The following ANKS4B variants were observed in gnomAD, a reference collection of about 807,000 sequenced individuals.
ANKS4B encodes ankyrin repeat and SAM domain-containing protein 4B.
Under a neutral mutation model 20.2 loss-of-function variants are expected in ANKS4B, and 21 were observed. The observed-to-expected ratio is 1.04, with a 90% confidence interval of 0.74 to 1.50. The LOEUF is 1.50. Ranked by LOEUF, ANKS4B falls within the 40% of genes most tolerant of loss-of-function variation. The probability of loss-of-function intolerance (pLI) is 0.00; values close to 1 mark genes in which losing one functional copy is unlikely to be tolerated. For missense variants in ANKS4B, 473 were observed against 494.6 expected (o/e 0.96, Z 0.41); for synonymous variants, 179 against 194.5 (o/e 0.92, Z 0.66).
In ANKS4B at chr16:21,250,650, C is replaced by G. The variant is rs780798161; in HGVS notation, c.1084C>G (p.Pro362Ala). The change falls in exon 2 of 2, where the codon CCT becomes GCT. Residue 362 changes from proline to alanine, a missense_variant. Pro to Ala is a conservative substitution (Grantham distance 27). Coordinates refer to ENST00000311620, the MANE Select transcript of ANKS4B (RefSeq NM_145865.3). ...GTCTCAGCACCTGGAAGAATTCCTG[C>G]CTATCTTCAAGAGAGAGCAGATTGA... ...LLSQHLEEFLPIFKREQIDLE... is the reference protein window; with the variant it reads ...LLSQHLEEFLAIFKREQIDLE... 8.1e-6 allele frequency: 13 copies of G among 1,613,854 alleles called. No homozygotes were observed. The East Asian group carries it at 2.5e-4, about 30-fold the overall frequency.
Position 21,250,195 on chromosome 16 carries a change from A to G in ANKS4B, c.629A>G (p.Lys210Arg), listed in dbSNP as rs1397468243. 1 of 1,614,174 alleles carries G rather than the reference A, an allele frequency of 6.2e-7. No homozygotes were observed. The highest frequency in any genetic ancestry group is 1.1e-5 in the South Asian group (1 of 91,078). The change falls in exon 2 of 2, where the codon AAG becomes AGG. Residue 210 changes from lysine to arginine, a missense_variant. Transcript: ENST00000311620. Reference protein sequence around the residue: ...GIKDTFKIKFKKNKDTAEQVG... With the variant: ...GIKDTFKIKFRKNKDTAEQVG... ...AAAGACACTTTCAAGATCAAGTTCA[A>G]GAAGAACAAAGATACAGCAGAACAG...
chr16:21,244,073 A>G (rs890310509), intron 1 of ANKS4B: 7 of 68,284 alleles, frequency 1.0e-4, no homozygotes, highest in African/African-American at 3.9e-4. Flanking sequence ...GTGCAGCTGT[A>G]AAAAAAAAAA....
chr16:21,250,472 G>T lies in ANKS4B; in HGVS notation c.906G>T (p.Leu302Phe), dbSNP rs760671328. ...TTGGTTTTAAACTGCCCAGTGAATT[G>T]CTTCAAAGACAAGGAGCATCAGAGG... ...REFGFKLPSE[L>F]LQRQGASEAD... The change falls in exon 2 of 2, where the codon TTG (leucine) becomes TTT (phenylalanine). Residue 302 changes from leucine to phenylalanine, a missense_variant. Leu to Phe is a conservative substitution (Grantham distance 22). Transcript: ENST00000311620. The T allele has an allele frequency of 1.2e-5, 20 of 1,614,012 alleles. No homozygotes were observed. The African/African-American group carries it at 2.3e-4, about 18-fold the overall frequency.
chr16:21,250,893 T>G lies in ANKS4B; in HGVS notation c.*73T>G, dbSNP rs923821707. On this transcript the variant is annotated 3_prime_UTR_variant, in exon 2 of 2. Transcript: ENST00000311620. Reference sequence around the variant, plus strand: ...CAGCACTCCAGGCGGCACCCCCTCTTTACCCAATGCCAGACCACTGGGAAT... The same window carrying G: ...CAGCACTCCAGGCGGCACCCCCTCTGTACCCAATGCCAGACCACTGGGAAT... 4.6e-5 allele frequency: 69 copies of G among 1,515,156 alleles called. No individual in the cohort carries two copies. Among genetic ancestry groups the G allele is most frequent in the Non-Finnish European group, 5.9e-5 (67 of 1,130,274 alleles). 93.9% of individuals were successfully genotyped at this position (1,515,156 alleles called of 1,614,324 possible). A position where few individuals can be genotyped will look rare whatever the true frequency, so the allele number is the denominator to read the frequency against.
intron 1 of ANKS4B, among the ~76,000 whole-genome samples, chr16:21,244,231 G>A (rs1254006935): frequency 1.3e-5 from 2 of 152,072 alleles, no homozygotes; most frequent in Non-Finnish European, 2.9e-5. Flanking sequence ...CATGGACACA[G>A]GGAGGGGAAC....
chr16:21,253,217 T>C lies in ANKS4B; in HGVS notation c.*2397T>C, dbSNP rs559615062. The stretch of plus-strand genomic sequence containing the variant: ...ACAGAAACAGCTGTTTATCTTCAGC[T>C]TGCTTTCTGATGCACATCTGTTTGG... On this transcript the variant is annotated 3_prime_UTR_variant, in exon 2 of 2. Coordinates refer to ENST00000311620, the MANE Select transcript of ANKS4B (RefSeq NM_145865.3). 6.6e-6 allele frequency: 1 copy of C among 152,314 alleles called. No homozygotes were observed. The highest frequency in any genetic ancestry group is 2.4e-5 in the African/African-American group (1 of 41,582). 9.4% of individuals were successfully genotyped at this position (152,314 alleles called of 1,614,324 possible).
At chr16:21,245,610 G>A (rs969891672) in intron 1 of ANKS4B, among the ~76,000 whole-genome samples, 4 of 151,916 alleles carry the variant, frequency 2.6e-5, no homozygotes, top group Non-Finnish European at 2.9e-5. Context: ...GACTACAGGC[G>A]CGCACCACCA....
chr16:21,250,556 G>A lies in ANKS4B; in HGVS notation c.990G>A (p.Pro330=), dbSNP rs759603798. 1.7e-5 allele frequency: 28 copies of A among 1,614,058 alleles called. No individual in the cohort carries two copies. Among genetic ancestry groups the A allele is most frequent in the South Asian group, 3.3e-5 (3 of 91,082 alleles). The change falls in exon 2 of 2, where the codon CCG becomes CCA. Residue 330 remains proline, a synonymous_variant. Coordinates refer to ENST00000311620, the MANE Select transcript of ANKS4B (RefSeq NM_145865.3). Reference sequence around the variant, plus strand: ...AAAACGGCCTCAAAGATGATCTGCCGTGGGATGACGATGAAGTGGAGTGGG... The same window carrying A: ...AAAACGGCCTCAAAGATGATCTGCCATGGGATGACGATGAAGTGGAGTGGG... ...GEENGLKDDL[P]WDDDEVEWEE... is the part of the protein sequence containing the mutation.
intron 1 of ANKS4B, among the ~76,000 whole-genome samples, chr16:21,239,441 C>T (rs961550810): frequency 9.2e-5 from 14 of 151,800 alleles, no homozygotes; most frequent in Non-Finnish European, 1.5e-4. Flanking sequence ...ATTAACTGGG[C>T]GTGGTGGCAC....
intron 1 of ANKS4B, among the ~76,000 whole-genome samples, chr16:21,239,537 C>T (rs1325823068): frequency 3.3e-5 from 5 of 152,140 alleles, no homozygotes; most frequent in East Asian, 1.9e-4. Context: ...GCCAAGATCA[C>T]GCCACTGCAC....
intron 1 of ANKS4B, among the ~76,000 whole-genome samples, chr16:21,238,094 C>T (rs899933186): frequency 6.6e-6 from 1 of 152,068 alleles, no homozygotes; most frequent in Non-Finnish European, 1.5e-5. Flanking sequence ...CCCTTGAATC[C>T]GGGTGGTGGA....
In ANKS4B at chr16:21,250,419, G is replaced by A. The variant is rs1597608215; in HGVS notation, c.853G>A (p.Glu285Lys). Residue 285 changes from glutamate to lysine, a missense_variant, in exon 2 of 2, where the codon GAA becomes AAA. By Grantham distance (56) the Glu-to-Lys change is moderately conservative (BLOSUM62 1). Coordinates refer to ENST00000311620, the MANE Select transcript of ANKS4B (RefSeq NM_145865.3). ...TAGAAGGAACAGGATATCGAGTCCT[G>A]AAGACATCTCAGATAGCAAGAGAGA... Reference protein sequence around the residue: ...VFRRNRISSPEDISDSKREFG... With the variant: ...VFRRNRISSPKDISDSKREFG... 6.2e-7 allele frequency: 1 copy of A among 1,614,176 alleles called. No individual in the cohort carries two copies. The highest frequency in any genetic ancestry group is 8.5e-7 in the Non-Finnish European group (1 of 1,180,044).
chr16:21,233,703 A>T lies in ANKS4B; in HGVS notation c.-35A>T. 1.2e-6 allele frequency: 2 copies of T among 1,607,924 alleles called. No individual in the cohort carries two copies. Among genetic ancestry groups the T allele is most frequent in the Non-Finnish European group, 1.7e-6 (2 of 1,176,448 alleles). ...TCCGCCAACACCTTGCTCTGCCTGG[A>T]GAGACATCTGGCCAAGTTCTGGTGA... is the stretch of plus-strand genomic sequence containing the variant. On this transcript the variant is annotated 5_prime_UTR_variant, in exon 1 of 2. Transcript: ENST00000311620.
rs187475887 is a variant in ANKS4B, at chr16:21,244,724, G to C, written c.165-5007G>C. ...ATAAAAAGTGAAACCACATGTTTAG[G>C]GGGGAGACACAGCGGTCCCTTAAGA... On this transcript the variant is annotated intron_variant, in intron 1 of 1. Coordinates refer to ENST00000311620, the MANE Select transcript of ANKS4B (RefSeq NM_145865.3). Among the ~76,000 whole-genome samples, 264 of 152,176 alleles carry C rather than the reference G, an allele frequency of 1.7e-3. 1 individual carries two copies. Among genetic ancestry groups the C allele is most frequent in the Non-Finnish European group, 2.9e-3 (196 of 68,000 alleles).
chr16:21,244,799 AGTCAGGCTG>A (rs1439413778), intron 1 of ANKS4B, among the ~76,000 whole-genome samples: 2 of 152,186 alleles, frequency 1.3e-5, no homozygotes, highest in East Asian at 3.8e-4. Context: ...CAAACAATTA[AGTCAGGCTG>A]ACTGACCAGA....
At position 21,250,413 on chromosome 16, in the gene ANKS4B, A is replaced by G. The variant is rs746656156; in HGVS notation, c.847A>G (p.Ser283Gly). The change falls in exon 2 of 2, where the codon AGT becomes GGT. Residue 283 changes from serine to glycine, a missense_variant. Coordinates refer to ENST00000311620, the MANE Select transcript of ANKS4B (RefSeq NM_145865.3). ...TGTTTTTAGAAGGAACAGGATATCG[A>G]GTCCTGAAGACATCTCAGATAGCAA... is the stretch of plus-strand genomic sequence containing the variant. ...SIVFRRNRISSPEDISDSKRE... is the reference protein window; with the variant it reads ...SIVFRRNRISGPEDISDSKRE... The G allele has an allele frequency of 3.7e-6, 6 of 1,614,202 alleles. No homozygotes were observed. The highest frequency in any genetic ancestry group is 1.3e-5 in the African/African-American group (1 of 75,056).
At chr16:21,239,234 C>G (rs559634345) in intron 1 of ANKS4B, among the ~76,000 whole-genome samples, 1 of 152,096 alleles carries the variant, frequency 6.6e-6, no homozygotes. Flanking sequence ...AACTACCATT[C>G]GAGCCAGCAA....
At chr16:21,245,251 T>C (rs772417854) in intron 1 of ANKS4B, among the ~76,000 whole-genome samples, 16 of 152,162 alleles carry the variant, frequency 1.1e-4, no homozygotes, top group Non-Finnish European at 2.1e-4. Context: ...AGGTGGAGTA[T>C]GCATTTAACT....
At chr16:21,234,633 A>G (rs181311444) in intron 1 of ANKS4B, among the ~76,000 whole-genome samples, 2 of 152,214 alleles carry the variant, frequency 1.3e-5, no homozygotes, top group African/African-American at 4.8e-5. Context: ...AGGGGTAAAG[A>G]AAGAGAAAAG....
Sources: allele counts gnomAD v4.1 joint callset (sites outside exome capture counted in the v4.1 genomes callset), GRCh38; gene constraint gnomAD v4.1.1; transcripts MANE v1.5; gene names NCBI Gene and HGNC (gene_info 2026-07-23, HGNC 2026-07-21).